Variants in EPB41L4A observed in about 807,000 individuals in gnomAD.
EPB41L4A encodes erythrocyte membrane protein band 4.1 like 4A.
Under a neutral mutation model 108.6 loss-of-function variants are expected in EPB41L4A, and 100 were observed. The observed-to-expected ratio is 0.92, with a 90% CI of 0.78 to 1.09. The LOEUF is 1.09. Ranked by LOEUF, EPB41L4A falls within the 50% of genes least tolerant of loss-of-function variation. EPB41L4A has a pLI of 0.00. For missense variants in EPB41L4A, 1,030 were observed against 842.7 expected, an observed-to-expected ratio of 1.22 and a Z score of -2.75; for synonymous variants, 319 against 289.0, an observed-to-expected ratio of 1.10 and a Z score of -1.05.
chr5:112,235,440 A>G (rs1309216924), intron 11 of EPB41L4A, among the ~76,000 whole-genome samples: 1 of 152,214 alleles, frequency 6.6e-6, no homozygotes, highest in Non-Finnish European at 1.5e-5. Context: ...TTATTCCACA[A>G]CTGCTGAATT....
intron 1 of EPB41L4A, among the ~76,000 whole-genome samples, chr5:112,413,954 T>C (rs1762558602): frequency 6.6e-6 from 1 of 152,174 alleles, no homozygotes; most frequent in Non-Finnish European, 1.5e-5. Flanking sequence ...AAAGGTGGAA[T>C]AAAGTTAAAA....
intron 14 of EPB41L4A, 83 bp downstream of exon 14, chr5:112,205,338 C>A: frequency 1.7e-6 from 2 of 1,164,074 alleles, no homozygotes; most frequent in South Asian, 2.4e-5. Flanking sequence ...AGCCACCCAG[C>A]AGCTGGATTC....
chr5:112,201,994 A>ATGAG (rs1300438540), intron 15 of EPB41L4A, among the ~76,000 whole-genome samples: 1 of 152,152 alleles, frequency 6.6e-6, no homozygotes, highest in African/African-American at 2.4e-5. Context: ...CTCATCTATA[A>ATGAG]TCTACTCTCT....
intron 3 of EPB41L4A, among the ~76,000 whole-genome samples, chr5:112,277,050 T>C (rs138505694): frequency 3.3e-5 from 5 of 152,316 alleles, no homozygotes; most frequent in Admixed American, 2.0e-4. Context: ...TCCCTGAACA[T>C]AGATGTCAGG....
At chr5:112,180,834 T>C (rs151128240) in intron 18 of EPB41L4A, among the ~76,000 whole-genome samples, 2 of 152,230 alleles carry the variant, frequency 1.3e-5, no homozygotes, top group East Asian at 3.9e-4. Context: ...TTATCCAGAA[T>C]ACATAAATAA....
chr5:112,205,299 G>C (rs1762419388), intron 14 of EPB41L4A, 122 bp downstream of exon 14: 4 of 837,402 alleles, frequency 4.8e-6, no homozygotes, highest in South Asian at 4.1e-5. Flanking sequence ...TTTAGAGTCT[G>C]CCCACTTTAT....
intron 9 of EPB41L4A, among the ~76,000 whole-genome samples, chr5:112,254,782 C>A (rs1016500487): frequency 2.0e-5 from 3 of 152,042 alleles, no homozygotes; most frequent in African/African-American, 7.2e-5. Flanking sequence ...GCTCAGCATA[C>A]CCCCTCGCCT....
Position 112,243,580 on chromosome 5 carries a change from T to C in EPB41L4A, c.796-2770A>G, listed in dbSNP as rs186112997. On this transcript the variant is annotated intron_variant, in intron 9 of 22. Coordinates refer to ENST00000261486, the MANE Select transcript of EPB41L4A (RefSeq NM_022140.5). ...CTTCCAACAGAAGAAGGTTGTTTTG[T>C]CTCCACTGAAAATCTGTTGTTTAGT... Among the ~76,000 whole-genome samples the C allele has an allele frequency of 4.5e-3, 685 of 152,326 alleles. 19 individuals carry two copies. Among genetic ancestry groups the C allele is most frequent in the Admixed American group, 0.036 (552 of 15,306 alleles).
chr5:112,203,600 C>G (rs1394839161), intron 15 of EPB41L4A, among the ~76,000 whole-genome samples: 1 of 152,078 alleles, frequency 6.6e-6, no homozygotes, highest in African/African-American at 2.4e-5. Flanking sequence ...AAATATTATC[C>G]CTTCAAACAC....
chr5:112,214,658 C>T (rs1249566944), intron 12 of EPB41L4A, among the ~76,000 whole-genome samples: 1 of 152,108 alleles, frequency 6.6e-6, no homozygotes, highest in East Asian at 1.9e-4. Context: ...CCCAGCTACT[C>T]GGGAGGCTGA....
intron 5 of EPB41L4A, among the ~76,000 whole-genome samples, 170 bp downstream of exon 5, chr5:112,266,047 GTACTAGGCTCCACTTT>G (rs1751829285): frequency 6.6e-6 from 1 of 152,154 alleles, no homozygotes; most frequent in Non-Finnish European, 1.5e-5. Flanking sequence ...TAAGGGATTT[GTACTAGGCTCCACTTT>G]TACCTGTTCC....
At chr5:112,283,966 A>G (rs1753121118) in intron 2 of EPB41L4A, among the ~76,000 whole-genome samples, 1 of 152,258 alleles carries the variant, frequency 6.6e-6, no homozygotes, top group African/African-American at 2.4e-5. Flanking sequence ...CATAAATGGG[A>G]GATAACAGAG....
At chr5:112,221,223 T>C (rs946868718) in intron 12 of EPB41L4A, among the ~76,000 whole-genome samples, 3 of 152,162 alleles carry the variant, frequency 2.0e-5, no homozygotes, top group African/African-American at 7.2e-5. Flanking sequence ...TCTTTTGCAA[T>C]AGCATCATGG....
At chr5:112,162,447 C>T (rs1326046365), downstream of EPB41L4A, 2 of 152,096 alleles carry the variant, frequency 1.3e-5, no homozygotes, top group Non-Finnish European at 2.9e-5. Flanking sequence ...GTGTTTGGCC[C>T]AAAGAGAAAT....
chr5:112,170,746 A>G (rs993106971), intron 19 of EPB41L4A, among the ~76,000 whole-genome samples, 199 bp downstream of exon 19: 2 of 152,120 alleles, frequency 1.3e-5, no homozygotes, highest in African/African-American at 4.8e-5. Flanking sequence ...CAAGGTGAGG[A>G]GGTGTCAGGG....
intron 12 of EPB41L4A, among the ~76,000 whole-genome samples, chr5:112,147,930 T>C (rs1034073500): frequency 6.6e-6 from 1 of 151,044 alleles, no homozygotes; most frequent in Admixed American, 6.6e-5. Flanking sequence ...TCCCAGCTAC[T>C]TGGGAAGCTG....
At chr5:112,239,562 A>C in intron 11 of EPB41L4A, 98 bp downstream of exon 11, 1 of 716,036 alleles carries the variant, frequency 1.4e-6, no homozygotes, top group East Asian at 3.2e-5. Context: ...GCAAGAAAAA[A>C]GAAAAAAATA....
chr5:112,238,951 C>A lies in EPB41L4A; in HGVS notation c.965+709G>T, dbSNP rs557307190. On this transcript the variant is annotated intron_variant, in intron 11 of 22. Transcript: ENST00000261486. ...CCTGCCTAGCTGCATGACAATCAGG[C>A]TTTTTCCACAACAGGCTAACAGTTT... 2.4e-4 allele frequency among the ~76,000 whole-genome samples: 36 copies of A among 152,298 alleles called. 1 individual carries two copies. The South Asian group carries it at 7.0e-3, about 30-fold the overall frequency.
intron 12 of EPB41L4A, among the ~76,000 whole-genome samples, chr5:112,157,320 T>C (rs1759685498): frequency 6.6e-6 from 1 of 152,196 alleles, no homozygotes; most frequent in Admixed American, 6.5e-5. Context: ...CACAAGTTTG[T>C]CTGCAAAATC....
Sources: allele counts gnomAD v4.1 joint callset (sites outside exome capture counted in the v4.1 genomes callset), GRCh38; gene constraint gnomAD v4.1.1; transcripts MANE v1.5; gene names NCBI Gene and HGNC (gene_info 2026-07-23, HGNC 2026-07-21).